The following KIDINS220 variants were observed in gnomAD, a reference collection of about 807,000 sequenced individuals.
KIDINS220 encodes kinase D interacting substrate 220, also known as kinase D-interacting substrate of 220 kDa.
In KIDINS220, 63 loss-of-function variants were observed where a neutral mutation model predicts 157.6. That is an observed-to-expected ratio of 0.40 (90% CI 0.33 to 0.49). The LOEUF (loss-of-function observed/expected upper bound fraction) is 0.49, where lower values mean the gene tolerates loss of function less well. Among genes scored for constraint, KIDINS220 ranks in the 20% least tolerant of loss-of-function variants. KIDINS220 has a pLI of 0.66. For synonymous variants in KIDINS220, 732 were observed against 783.6 expected, an observed-to-expected ratio of 0.93 and a Z score of 1.10; for missense variants, 1,772 against 2,171.2, an observed-to-expected ratio of 0.82 and a Z score of 3.65.
chr2:8,770,352 G>A (rs968825239), intron 22 of KIDINS220, among the ~76,000 whole-genome samples: 1 of 152,306 alleles, frequency 6.6e-6, no homozygotes, highest in African/African-American at 2.4e-5. Flanking sequence ...GCTACAGTGA[G>A]CTATGATTGT....
intron 21 of KIDINS220, among the ~76,000 whole-genome samples, chr2:8,771,979 A>G (rs1287201342): frequency 6.7e-6 from 1 of 148,426 alleles, no homozygotes; most frequent in African/African-American, 2.5e-5. Flanking sequence ...AGAAAAAGAC[A>G]AAAAAAAAAG....
rs1172062887 is a variant in KIDINS220 at position 8,730,316 on chromosome 2, G to A, written c.*404C>T. 1.4e-5 allele frequency: 14 copies of A among 1,003,762 alleles called. No homozygotes were observed. In the East Asian group the frequency reaches 3.1e-4, roughly 22 times the overall value. 62.2% of individuals were successfully genotyped at this position (1,003,762 alleles called of 1,614,324 possible). ...AGGGTTTGCTTCTGCTTCACCTAAC[G>A]CCACGTCTTCCCTCAAATGTGTGGT... On this transcript the variant is annotated 3_prime_UTR_variant, in exon 30 of 30. Coordinates refer to ENST00000256707, the MANE Select transcript of KIDINS220 (RefSeq NM_020738.4).
chr2:8,734,259 A>G (rs1451175749), intron 28 of KIDINS220, among the ~76,000 whole-genome samples: 1 of 152,160 alleles, frequency 6.6e-6, no homozygotes, highest in Non-Finnish European at 1.5e-5. Flanking sequence ...ACTGAGGGTG[A>G]TCACACATGT....
chr2:8,744,378 AAAAAAAAAAAATATATATATATAATATAT>A (rs1471754000), intron 26 of KIDINS220, among the ~76,000 whole-genome samples: 259 of 25,836 alleles, frequency 0.01, 8 homozygotes, highest in Non-Finnish European at 0.013. Context: ...AAAAAAAAAA[AAAAAAAAAAAATATATATATATAATATAT>A]ATATATATAT....
rs114845643 is a variant in KIDINS220 at position 8,756,316 on chromosome 2, T to C, written c.3012-4672A>G. Among the ~76,000 whole-genome samples the C allele has an allele frequency of 4.8e-3, 726 of 152,374 alleles. 2 individuals carry two copies. The highest frequency in any genetic ancestry group is 0.017 in the Middle Eastern group (5 of 294). On this transcript the variant is annotated intron_variant, in intron 22 of 29. Transcript: ENST00000256707. ...CAGAAACACAACTGATTTTTGTGTGTTGATCTGTATCCTGCAAACTTTGCT... is the reference window on the plus strand; with the variant it reads ...CAGAAACACAACTGATTTTTGTGTGCTGATCTGTATCCTGCAAACTTTGCT...
At chr2:8,780,866 G>C (rs888407800) in intron 17 of KIDINS220, among the ~76,000 whole-genome samples, 7 of 151,306 alleles carry the variant, frequency 4.6e-5, no homozygotes, top group Non-Finnish European at 1.0e-4. Flanking sequence ...AAGAGTAGAA[G>C]ACAAAAATAG....
intron 4 of KIDINS220, among the ~76,000 whole-genome samples, chr2:8,815,121 C>A (rs1310239004): frequency 6.6e-6 from 1 of 152,164 alleles, no homozygotes; most frequent in African/African-American, 2.4e-5. Context: ...AATGTCCCAG[C>A]CAGGCATGGT....
At chr2:8,797,564 T>C (rs77978828) in intron 10 of KIDINS220, among the ~76,000 whole-genome samples, 9,752 of 152,210 alleles carry the variant, frequency 0.064, 1,004 homozygotes, top group African/African-American at 0.22. Flanking sequence ...GATTTAGAAA[T>C]TGGCCGGTCC....
rs1331230954 is a variant in KIDINS220, at chr2:8,744,403, T to A, written c.3585+2742A>T. On this transcript the variant is annotated intron_variant, in intron 26 of 29. Coordinates refer to ENST00000256707, the MANE Select transcript of KIDINS220 (RefSeq NM_020738.4). ...AAAAAAAAAAAATATATATATATAA[T>A]ATATATATATATATATATATATATA... is the stretch of plus-strand genomic sequence containing the variant. Among the ~76,000 whole-genome samples the A allele has an allele frequency of 3.4e-3, 60 of 17,874 alleles. 5 individuals are homozygous for A. The highest frequency in any genetic ancestry group is 0.011 in the African/African-American group (54 of 4,710). The allele number at this position is 17,874 out of a possible 152,430, so 11.7% of individuals were successfully genotyped here. A position where few individuals can be genotyped will look rare whatever the true frequency, so the allele number is the denominator to read the frequency against.
intron 10 of KIDINS220, among the ~76,000 whole-genome samples, chr2:8,797,333 CAA>C (rs912493474): frequency 6.6e-6 from 1 of 152,150 alleles, no homozygotes; most frequent in Admixed American, 6.5e-5. Flanking sequence ...CAGAAAACCT[CAA>C]AAGAGTTCAT....
At chr2:8,781,929 G>A (rs1264532250) in intron 17 of KIDINS220, among the ~76,000 whole-genome samples, 2 of 152,016 alleles carry the variant, frequency 1.3e-5, no homozygotes, top group African/African-American at 4.8e-5. Flanking sequence ...CGAGACCAGT[G>A]TGGGGAACAT....
At chr2:8,744,378 AAAAAAAAAAAATATATATATATAATAT>A (rs1183167693) in intron 26 of KIDINS220, among the ~76,000 whole-genome samples, 50 of 25,926 alleles carry the variant, frequency 1.9e-3, no homozygotes, top group African/African-American at 3.1e-3. Context: ...AAAAAAAAAA[AAAAAAAAAAAATATATATATATAATAT>A]ATATATATAT....
intron 29 of KIDINS220, 66 bp downstream of exon 29, chr2:8,733,378 T>A: frequency 7.6e-7 from 1 of 1,321,096 alleles, no homozygotes; most frequent in South Asian, 1.3e-5. Flanking sequence ...AATGCCCATA[T>A]AATCTCAGTG....
intron 21 of KIDINS220, among the ~76,000 whole-genome samples, chr2:8,772,147 G>A (rs567905335): frequency 4.6e-5 from 7 of 152,188 alleles, no homozygotes; most frequent in African/African-American, 1.2e-4. Context: ...TGAAGGAACC[G>A]GTAGACAGAG....
chr2:8,740,089 T>C (rs1029103238), intron 26 of KIDINS220: 4 of 689,572 alleles, frequency 5.8e-6, no homozygotes, highest in East Asian at 1.3e-4. Context: ...CAGCATGAAG[T>C]TGCCAATGAT....
chr2:8,746,997 A>T (rs1207899420), intron 26 of KIDINS220, 148 bp downstream of exon 26: 2 of 596,112 alleles, frequency 3.4e-6, no homozygotes, highest in Admixed American at 5.2e-5. Flanking sequence ...AGGAACCATA[A>T]TTATTAGCAT....
rs1020339054 is a variant in KIDINS220 at position 8,729,030 on chromosome 2, C to G, written c.*1690G>C. ...AAGAATGTACTCCAATGATATTACG[C>G]GGCAACTACTCACCTGAAAAAGAAA... On this transcript the variant is annotated 3_prime_UTR_variant, in exon 30 of 30. Coordinates refer to ENST00000256707, the MANE Select transcript of KIDINS220 (RefSeq NM_020738.4). The G allele has an allele frequency of 1.0e-6, 1 of 981,820 alleles. No homozygotes were observed. Among genetic ancestry groups the G allele is most frequent in the Admixed American group, 6.2e-5 (1 of 16,250 alleles). 60.8% of individuals were successfully genotyped at this position (981,820 alleles called of 1,614,324 possible).
At chr2:8,743,556 AG>A (rs1665931472) in intron 26 of KIDINS220, among the ~76,000 whole-genome samples, 1 of 152,250 alleles carries the variant, frequency 6.6e-6, no homozygotes, top group Admixed American at 6.5e-5. Flanking sequence ...GCTCATCACC[AG>A]GGTCTGTTTA....
chr2:8,817,584 T>G, intron 4 of KIDINS220, 34 bp downstream of exon 4: 1 of 1,141,390 alleles, frequency 8.8e-7, no homozygotes, highest in African/African-American at 1.6e-5. Context: ...AAATAAGATT[T>G]CAGCTAATTA....
Sources: allele counts gnomAD v4.1 joint callset (sites outside exome capture counted in the v4.1 genomes callset), GRCh38; gene constraint gnomAD v4.1.1; transcripts MANE v1.5; gene names NCBI Gene and HGNC (gene_info 2026-07-23, HGNC 2026-07-21).